The following CNTNAP2 variants were observed in gnomAD, a reference collection of about 807,000 sequenced individuals.
CNTNAP2 encodes contactin associated protein 2.
In CNTNAP2, 98 loss-of-function variants were observed where a neutral mutation model predicts 155.2. The ratio of observed to expected loss-of-function variants is 0.63; its 90% CI spans 0.54 to 0.75. The LOEUF (loss-of-function observed/expected upper bound fraction) is 0.75. Ranked by LOEUF, CNTNAP2 falls within the 30% of genes least tolerant of loss-of-function variation. CNTNAP2 has a pLI of 0.00. For synonymous variants in CNTNAP2, 651 were observed against 631.2 expected (o/e 1.03, Z -0.47); for missense variants, 1,727 against 1,688.1 (o/e 1.02, Z -0.40).
intron 23 of CNTNAP2, 142 bp from the exon 24 acceptor site, chr7:148,415,275 A>C: frequency 1.1e-6 from 1 of 883,860 alleles, no homozygotes; most frequent in Admixed American, 2.0e-5. Flanking sequence ...ATCTTACTTC[A>C]TTTTTGTTAT....
chr7:147,130,094 T>A (rs1801322425), intron 7 of CNTNAP2, among the ~76,000 whole-genome samples: 1 of 152,062 alleles, frequency 6.6e-6, no homozygotes, highest in Non-Finnish European at 1.5e-5. Flanking sequence ...GAAAAATAAC[T>A]TTTATTTTAT....
chr7:147,861,508 G>T (rs761354405), intron 13 of CNTNAP2, among the ~76,000 whole-genome samples: 1 of 152,166 alleles, frequency 6.6e-6, no homozygotes, highest in Non-Finnish European at 1.5e-5. Flanking sequence ...TTGTCCTAAA[G>T]ACTGATGATG....
intron 13 of CNTNAP2, among the ~76,000 whole-genome samples, chr7:147,806,585 G>A (rs1026417020): frequency 2.6e-5 from 4 of 152,216 alleles, no homozygotes; most frequent in Non-Finnish European, 5.9e-5. Context: ...TAGCCAAGAT[G>A]TGGAAGCAGC....
chr7:147,980,822 T>A (rs1438738411), intron 15 of CNTNAP2, among the ~76,000 whole-genome samples: 1 of 148,956 alleles, frequency 6.7e-6, no homozygotes, highest in Non-Finnish European at 1.5e-5. Context: ...TCCCAGCTAC[T>A]CGGGAGGCTG....
intron 12 of CNTNAP2, among the ~76,000 whole-genome samples, chr7:147,566,462 T>C (rs868596779): frequency 1.1e-4 from 17 of 152,042 alleles, no homozygotes; most frequent in Non-Finnish European, 2.4e-4. Flanking sequence ...ATGAAGAACT[T>C]CCCTGAGATT....
At chr7:146,362,228 T>A (rs1447979559) in intron 1 of CNTNAP2, among the ~76,000 whole-genome samples, 2 of 152,246 alleles carry the variant, frequency 1.3e-5, no homozygotes, top group African/African-American at 4.8e-5. Flanking sequence ...TATGATGCAC[T>A]ACACGGTGAA....
intron 8 of CNTNAP2, among the ~76,000 whole-genome samples, chr7:147,155,573 G>A (rs1444829088): frequency 6.6e-6 from 1 of 152,098 alleles, no homozygotes; most frequent in African/African-American, 2.4e-5. Context: ...TACAATTAAA[G>A]ATTTAATGCC....
intron 8 of CNTNAP2, among the ~76,000 whole-genome samples, chr7:147,171,289 C>A (rs1234514389): frequency 4.6e-5 from 7 of 152,186 alleles, no homozygotes; most frequent in African/African-American, 7.2e-5. Flanking sequence ...TTTCTTCATC[C>A]ACATTCGGTA....
At chr7:148,118,975 G>A (rs530933843) in intron 16 of CNTNAP2, among the ~76,000 whole-genome samples, 227 of 152,222 alleles carry the variant, frequency 1.5e-3, no homozygotes, top group Non-Finnish European at 2.4e-3. Context: ...GGGGTTAGCT[G>A]CACAAGACTT....
chr7:147,176,071 A>C (rs1220079536), intron 8 of CNTNAP2, among the ~76,000 whole-genome samples: 1 of 152,136 alleles, frequency 6.6e-6, no homozygotes, highest in Non-Finnish European at 1.5e-5. Flanking sequence ...CTGAGTATTT[A>C]ACAGAAGTCC....
intron 9 of CNTNAP2, among the ~76,000 whole-genome samples, chr7:147,358,600 G>A (rs1796099526): frequency 6.6e-6 from 1 of 151,900 alleles, no homozygotes; most frequent in African/African-American, 2.4e-5. Context: ...AAGGGTAGAT[G>A]ATGAATATTA....
At chr7:147,685,227 T>C (rs534037611) in intron 13 of CNTNAP2, among the ~76,000 whole-genome samples, 3 of 152,048 alleles carry the variant, frequency 2.0e-5, no homozygotes, top group Middle Eastern at 6.8e-3. Context: ...TATAGAGACG[T>C]TTGTTTTCTT....
chr7:147,283,158 C>A lies in CNTNAP2; in HGVS notation c.1349-16983C>A, dbSNP rs192774587. On this transcript the variant is annotated intron_variant, in intron 8 of 23. Transcript: ENST00000361727. ...GAGTTTTTTGACACATCTATACCCC[C>A]ATCTAATGAGTTTTAAAGATAACAG... Among the ~76,000 whole-genome samples the A allele has an allele frequency of 2.2e-4, 33 of 151,980 alleles. No individual in the cohort carries two copies. The East Asian group carries it at 5.4e-3, about 25-fold the overall frequency.
At chr7:148,339,213 G>A (rs1798177870) in intron 21 of CNTNAP2, among the ~76,000 whole-genome samples, 1 of 151,862 alleles carries the variant, frequency 6.6e-6, no homozygotes, top group South Asian at 2.1e-4. Context: ...CAGTATCAAA[G>A]GTGCTTAACG....
intron 1 of CNTNAP2, among the ~76,000 whole-genome samples, chr7:146,327,738 C>T (rs187052649): frequency 4.7e-4 from 71 of 152,082 alleles, no homozygotes; most frequent in Non-Finnish European, 5.4e-4. Flanking sequence ...ACTTTTGATA[C>T]GGAAACAAAA....
intron 9 of CNTNAP2, among the ~76,000 whole-genome samples, chr7:147,359,351 C>G (rs776950385): frequency 5.9e-5 from 9 of 152,128 alleles, no homozygotes; most frequent in African/African-American, 2.2e-4. Context: ...GCTGTCACCT[C>G]GCTTTACTGG....
intron 2 of CNTNAP2, among the ~76,000 whole-genome samples, chr7:146,812,140 A>G (rs567451340): frequency 1.3e-5 from 2 of 152,268 alleles, no homozygotes; most frequent in South Asian, 4.1e-4. Flanking sequence ...AGCTTGGAAC[A>G]GTTTAGAGGG....
chr7:146,267,379 C>T (rs1474284007), intron 1 of CNTNAP2, among the ~76,000 whole-genome samples: 2 of 152,118 alleles, frequency 1.3e-5, no homozygotes, highest in Non-Finnish European at 2.9e-5. Context: ...GTAGTCTTCT[C>T]TGTGTAATTA....
intron 1 of CNTNAP2, among the ~76,000 whole-genome samples, chr7:146,623,465 G>A (rs952348943): frequency 6.6e-6 from 1 of 152,082 alleles, no homozygotes; most frequent in African/African-American, 2.4e-5. Flanking sequence ...ACTAATAGGT[G>A]TACCCTCTCT....
Sources: gnomAD v4.1 joint callset for allele counts (sites outside exome capture counted in the v4.1 genomes callset) on GRCh38, gnomAD v4.1.1 for gene constraint, MANE v1.5 for transcripts, NCBI Gene and HGNC (gene_info 2026-07-23, HGNC 2026-07-21) for gene names.